The following AUTS2 variants were observed in gnomAD, a reference collection of about 807,000 sequenced individuals.
AUTS2 encodes the protein activator of transcription and developmental regulator AUTS2.
In AUTS2, 17 loss-of-function variants were observed where a neutral mutation model predicts 112.4. The observed-to-expected ratio is 0.15, with a 90% CI of 0.10 to 0.23. The LOEUF (loss-of-function observed/expected upper bound fraction) is 0.23, where lower values mean the gene tolerates loss of function less well. AUTS2 is among the 10% of genes least tolerant of loss of function. The pLI, the probability that AUTS2 is intolerant of heterozygous loss-of-function variation, is 1.00. For synonymous variants in AUTS2, 751 were observed against 702.7 expected (o/e 1.07, Z -1.09); for missense variants, 1,510 against 1,701.6 (o/e 0.89, Z 1.98).
At chr7:69,631,251 CT>C (rs1794227349) in intron 1 of AUTS2, among the ~76,000 whole-genome samples, 1 of 151,984 alleles carries the variant, frequency 6.6e-6, no homozygotes, top group Non-Finnish European at 1.5e-5. Flanking sequence ...GAACCAAGGT[CT>C]TGTGCTTGCA....
chr7:70,774,651 A>G (rs1476799250), intron 12 of AUTS2: 3 of 152,602 alleles, frequency 2.0e-5, no homozygotes, highest in African/African-American at 7.2e-5. Flanking sequence ...ATAATTTATT[A>G]CCACTGCCTG....
intron 6 of AUTS2, among the ~76,000 whole-genome samples, chr7:70,718,531 C>T (rs943286911): frequency 2.6e-5 from 4 of 152,040 alleles, no homozygotes; most frequent in Admixed American, 6.6e-5. Flanking sequence ...GGTGTGGTGG[C>T]GCACACCTTT....
intron 5 of AUTS2, among the ~76,000 whole-genome samples, chr7:70,562,743 A>C (rs1801543625): frequency 6.6e-6 from 1 of 152,224 alleles, no homozygotes; most frequent in African/African-American, 2.4e-5. Context: ...TAAACTAACA[A>C]CAAATAATGA....
intron 4 of AUTS2, among the ~76,000 whole-genome samples, chr7:70,428,157 A>G (rs1411432129): frequency 2.0e-5 from 3 of 152,222 alleles, no homozygotes; most frequent in Admixed American, 6.5e-5. Flanking sequence ...CTCAGTAAGA[A>G]CATTTTCAGG....
intron 1 of AUTS2, among the ~76,000 whole-genome samples, chr7:69,806,925 T>C (rs922654713): frequency 6.6e-6 from 1 of 152,206 alleles, no homozygotes; most frequent in Non-Finnish European, 1.5e-5. Flanking sequence ...AAAGAGGTTG[T>C]TGCTCTTCCT....
At chr7:70,664,485 A>C (rs1488072956) in intron 5 of AUTS2, among the ~76,000 whole-genome samples, 1 of 152,206 alleles carries the variant, frequency 6.6e-6, no homozygotes, top group Non-Finnish European at 1.5e-5. Context: ...TAGCTTTCAC[A>C]TGTAAAGATG....
In AUTS2 at chr7:70,295,499, GTT is replaced by G. The variant is rs555357632; in HGVS notation, c.661-140250_661-140249del. ...TAAATTTTGATTTTTTGTTTTTTGG[GTT>G]TTGTTTTTGGAGTTTGGATCTCTTA... is the stretch of plus-strand genomic sequence containing the variant. On this transcript the variant is annotated intron_variant, in intron 4 of 18. Transcript: ENST00000342771. Among the ~76,000 whole-genome samples, 955 of 152,092 alleles carry G rather than the reference GTT, an allele frequency of 6.3e-3. 12 individuals carry two copies. The highest frequency in any genetic ancestry group is 0.021 in the African/African-American group (890 of 41,452).
chr7:70,784,890 C>A, intron 15 of AUTS2, 52 bp from the exon 16 acceptor site: 1 of 1,569,334 alleles, frequency 6.4e-7, no homozygotes. Context: ...CCGGTTGCAT[C>A]TTCGAAGTTG....
intron 4 of AUTS2, among the ~76,000 whole-genome samples, chr7:70,208,270 T>G (rs1414747803): frequency 7.2e-5 from 11 of 152,194 alleles, no homozygotes; most frequent in Admixed American, 2.6e-4. Flanking sequence ...CATTTTAACA[T>G]TTCTGCTATG....
intron 4 of AUTS2, among the ~76,000 whole-genome samples, chr7:70,398,117 G>A (rs10251859): frequency 0.075 from 11,456 of 152,228 alleles, 557 homozygotes; most frequent in East Asian, 0.14. Flanking sequence ...ACATGTATGT[G>A]TTTATTTCCT....
intron 5 of AUTS2, among the ~76,000 whole-genome samples, chr7:70,512,887 G>T (rs1355666650): frequency 6.6e-6 from 1 of 151,654 alleles, no homozygotes; most frequent in Admixed American, 6.6e-5. Context: ...GGTGAGTGAA[G>T]TGTGGGGGGG....
chr7:70,062,167 C>T lies in AUTS2; in HGVS notation c.523-55965C>T, dbSNP rs116064124. 2.9e-3 allele frequency among the ~76,000 whole-genome samples: 441 copies of T among 151,944 alleles called. 5 individuals carry two copies. The highest frequency in any genetic ancestry group is 0.01 in the African/African-American group (427 of 41,466). ...ATTTTTACTTTTCATTTGAAATATT[C>T]TTATTGTTGTTTTTTTCTGATCATT... is the stretch of plus-strand genomic sequence containing the variant. On this transcript the variant is annotated intron_variant, in intron 2 of 18. Transcript: ENST00000342771.
intron 5 of AUTS2, among the ~76,000 whole-genome samples, chr7:70,553,017 G>A (rs1444299229): frequency 3.3e-5 from 5 of 152,310 alleles, no homozygotes; most frequent in South Asian, 4.2e-4. Context: ...GTGCTGTCAC[G>A]AGCCAGCAGA....
intron 1 of AUTS2, among the ~76,000 whole-genome samples, chr7:69,794,608 C>T (rs1341735192): frequency 6.6e-6 from 1 of 152,066 alleles, no homozygotes; most frequent in Non-Finnish European, 1.5e-5. Flanking sequence ...CTTGAAGCCT[C>T]TCCTCTTTAT....
intron 1 of AUTS2, among the ~76,000 whole-genome samples, chr7:69,645,932 C>T (rs1403358942): frequency 6.6e-6 from 1 of 151,138 alleles, no homozygotes; most frequent in Non-Finnish European, 1.5e-5. Context: ...ACAGTGATGA[C>T]TGGTGGCCTG....
At chr7:69,770,415 T>C (rs977761955) in intron 1 of AUTS2, among the ~76,000 whole-genome samples, 5 of 152,116 alleles carry the variant, frequency 3.3e-5, no homozygotes, top group African/African-American at 1.2e-4. Context: ...GTTCACATGA[T>C]GGGTCGGTGG....
At chr7:70,622,306 C>T (rs540368584) in intron 5 of AUTS2, among the ~76,000 whole-genome samples, 1 of 152,256 alleles carries the variant, frequency 6.6e-6, no homozygotes, top group South Asian at 2.1e-4. Context: ...GAGGGGCCTG[C>T]CGTTGTCCTC....
At position 70,080,210 on chromosome 7, in the gene AUTS2, A is replaced by G. The variant is rs148881220; in HGVS notation, c.523-37922A>G. On this transcript the variant is annotated intron_variant, in intron 2 of 18. Coordinates refer to ENST00000342771, the MANE Select transcript of AUTS2 (RefSeq NM_015570.4). The stretch of plus-strand genomic sequence containing the variant: ...ATTAATACAGATTAAATTTAAAAGT[A>G]TGTTGTATTTGCATCCATTACATTG... 1.7e-3 allele frequency among the ~76,000 whole-genome samples: 263 copies of G among 152,326 alleles called. 1 individual carries two copies. The highest frequency in any genetic ancestry group is 6.0e-3 in the African/African-American group (250 of 41,578).
chr7:70,696,674 A>AACACAC (rs35577599), intron 5 of AUTS2, among the ~76,000 whole-genome samples: 1,695 of 150,248 alleles, frequency 0.011, 25 homozygotes, highest in African/African-American at 0.039. Flanking sequence ...TTTTCACTCG[A>AACACAC]ACACACACAC....
Sources: allele counts gnomAD v4.1 joint callset (sites outside exome capture counted in the v4.1 genomes callset), GRCh38; gene constraint gnomAD v4.1.1; transcripts MANE v1.5; gene names NCBI Gene and HGNC (gene_info 2026-07-23, HGNC 2026-07-21).